The following RFT1 variants were observed in gnomAD, a reference collection of about 807,000 sequenced individuals.
The protein encoded by RFT1 is RFT1 glycolipid translocator homolog, also known as man(5)GlcNAc(2)-PP-dolichol translocation protein RFT1.
A neutral mutation model predicts 62.2 loss-of-function variants in RFT1; 43 were observed. That is an observed-to-expected ratio of 0.69 (90% CI 0.54 to 0.89). The LOEUF (loss-of-function observed/expected upper bound fraction) is 0.89, where lower values mean the gene tolerates loss of function less well. Among genes scored for constraint, RFT1 ranks in the 40% least tolerant of loss-of-function variants. The pLI is 0.00. For synonymous variants in RFT1, 262 were observed against 264.6 expected (o/e 0.99, Z 0.10); for missense variants, 605 against 649.9 (o/e 0.93, Z 0.75).
intron 6 of RFT1, among the ~76,000 whole-genome samples, chr3:53,119,075 A>G (rs1489903047): frequency 6.6e-6 from 1 of 152,106 alleles, no homozygotes; most frequent in Non-Finnish European, 1.5e-5. Flanking sequence ...TTAGCTGGGC[A>G]TGGTGGCATG....
At chr3:53,112,801 A>G (rs1270193479) in intron 6 of RFT1, among the ~76,000 whole-genome samples, 1 of 152,156 alleles carries the variant, frequency 6.6e-6, no homozygotes, top group Non-Finnish European at 1.5e-5. Context: ...TCCTAAGGAC[A>G]AGGAAACACT....
chr3:53,108,446 G>GTC (rs1292449205), intron 7 of RFT1, among the ~76,000 whole-genome samples: 1 of 146,318 alleles, frequency 6.8e-6, no homozygotes, highest in Non-Finnish European at 1.5e-5. Flanking sequence ...CTGGAGTGCA[G>GTC]TGGCACGATC....
At chr3:53,070,764 C>T in the RFT1 span, among the ~76,000 whole-genome samples, 2 of 151,684 alleles carry the variant, frequency 1.3e-5, no homozygotes, top group Admixed American at 6.6e-5. Context: ...TGGCCAGGTG[C>T]GGTGGCTCAC....
intron 1 of RFT1, among the ~76,000 whole-genome samples, chr3:53,129,410 G>A (rs933553969): frequency 6.6e-6 from 1 of 152,154 alleles, no homozygotes; most frequent in Non-Finnish European, 1.5e-5. Flanking sequence ...TATCCCGAAG[G>A]CAGGCATCTA....
intron 2 of RFT1, among the ~76,000 whole-genome samples, chr3:53,125,658 C>G (rs1702088162): frequency 6.6e-6 from 1 of 152,222 alleles, no homozygotes; most frequent in Admixed American, 6.5e-5. Context: ...AGCAGGAAAA[C>G]CAGAACAGCT....
intron 7 of RFT1, among the ~76,000 whole-genome samples, chr3:53,108,979 T>A (rs1701571997): frequency 6.6e-6 from 1 of 152,198 alleles, no homozygotes; most frequent in South Asian, 2.1e-4. Flanking sequence ...AAAATGACTC[T>A]TTAATGTTTG....
At chr3:53,102,123 T>G (rs527535695) in intron 10 of RFT1, among the ~76,000 whole-genome samples, 1 of 151,506 alleles carries the variant, frequency 6.6e-6, no homozygotes, top group East Asian at 1.9e-4. Flanking sequence ...AGGGGGATGA[T>G]GACGTGAAGA....
In RFT1 at chr3:53,123,750, G is replaced by C. The variant is rs2107168045; in HGVS notation, c.240C>G (p.Ser80Arg). The C allele has an allele frequency of 6.2e-7, 1 of 1,614,114 alleles. No individual in the cohort carries two copies. Among genetic ancestry groups the C allele is most frequent in the Admixed American group, 1.7e-5 (1 of 60,030 alleles). The change falls in exon 3 of 13, where the codon AGC becomes AGG. Residue 80 changes from serine (S) to arginine (R), a missense_variant. Ser to Arg is a moderately radical substitution (Grantham distance 110, BLOSUM62 -1). Coordinates refer to ENST00000296292, the MANE Select transcript of RFT1 (RefSeq NM_052859.4). ...TTAGCCACAGCAGGTTGAGGGTCTG[G>C]CTCCAGTCTCGCTGGGTGCCCCCAC... Reference protein sequence around the residue: ...CLSGGTQRDWSQTLNLLWLTV... With the variant: ...CLSGGTQRDWRQTLNLLWLTV...
At chr3:53,079,948 G>T in the RFT1 span, among the ~76,000 whole-genome samples, 1 of 152,200 alleles carries the variant, frequency 6.6e-6, no homozygotes, top group African/African-American at 2.4e-5. Context: ...GGGGGTGCAG[G>T]GGTGTCCTCG....
rs559963683 is a variant in RFT1, at chr3:53,126,174, T to A, written c.64-180A>T. 3.9e-5 allele frequency among the ~76,000 whole-genome samples: 6 copies of A among 152,328 alleles called. No individual in the cohort carries two copies. The South Asian group carries it at 1.2e-3, about 32-fold the overall frequency. Reference sequence around the variant, plus strand: ...GCATTTCTCCTGAAATTTCATTCCATGGGATCTCTCAGCACTCCCGTGCAG... The same window carrying A: ...GCATTTCTCCTGAAATTTCATTCCAAGGGATCTCTCAGCACTCCCGTGCAG... On this transcript the variant is annotated intron_variant, in intron 1 of 12. Transcript: ENST00000296292.
At chr3:53,086,509 T>C (rs1700857927), downstream of RFT1, among the ~76,000 whole-genome samples, 1 of 152,026 alleles carries the variant, frequency 6.6e-6, no homozygotes, top group Non-Finnish European at 1.5e-5. Flanking sequence ...AGTGACGGGG[T>C]TTCACCATGT....
the RFT1 span, among the ~76,000 whole-genome samples, chr3:53,070,920 C>G: frequency 6.6e-6 from 1 of 151,604 alleles, no homozygotes; most frequent in Non-Finnish European, 1.5e-5. Context: ...TTAGTAGAGA[C>G]AGGGTTTCAC....
At chr3:53,087,145 G>T (rs185044612), downstream of RFT1, among the ~76,000 whole-genome samples, 1 of 152,354 alleles carries the variant, frequency 6.6e-6, no homozygotes, top group Admixed American at 6.5e-5. Context: ...GCTGAGGCAC[G>T]AGAATTGCTT....
the RFT1 span, among the ~76,000 whole-genome samples, chr3:53,076,653 A>G: frequency 6.6e-6 from 1 of 152,162 alleles, no homozygotes; most frequent in African/African-American, 2.4e-5. Context: ...TAGGAAATCA[A>G]TGTTCTAAAG....
chr3:53,128,981 G>C (rs1169158148), intron 1 of RFT1, among the ~76,000 whole-genome samples: 1 of 152,166 alleles, frequency 6.6e-6, no homozygotes, highest in Non-Finnish European at 1.5e-5. Flanking sequence ...CTGACTCGTA[G>C]TCCAGTGTGT....
chr3:53,120,177 A>T (rs1312630322), intron 5 of RFT1, among the ~76,000 whole-genome samples, 156 bp from the exon 6 acceptor site: 1 of 152,204 alleles, frequency 6.6e-6, no homozygotes, highest in African/African-American at 2.4e-5. Context: ...AGTCACTTAG[A>T]CCCAACTCCA....
chr3:53,119,008 C>G (rs1701890905), intron 6 of RFT1, among the ~76,000 whole-genome samples: 1 of 151,922 alleles, frequency 6.6e-6, no homozygotes, highest in African/African-American at 2.4e-5. Context: ...CTCAGGAGTT[C>G]AACACTAGCC....
At chr3:53,110,433 C>G (rs1264372135) in intron 7 of RFT1, among the ~76,000 whole-genome samples, 1 of 152,220 alleles carries the variant, frequency 6.6e-6, no homozygotes, top group Non-Finnish European at 1.5e-5. Flanking sequence ...GCCCTTCACT[C>G]AGCTCTTCTG....
At position 53,089,815 on chromosome 3, in the gene RFT1, G is replaced by C. The variant is rs1700941201; in HGVS notation, c.*2088C>G. ...TGACAGCAGCACTGGGCGAACAGCA[G>C]GGGAGGGATGAGAGAGTGAGCACTG... On this transcript the variant is annotated 3_prime_UTR_variant, in exon 13 of 13. Transcript: ENST00000296292. The C allele has an allele frequency of 6.6e-6, 1 of 152,428 alleles. No homozygotes were observed. The highest frequency in any genetic ancestry group is 6.5e-5 in the Admixed American group (1 of 15,290). 9.4% of individuals were successfully genotyped at this position (152,428 alleles called of 1,614,324 possible).
Sources: allele counts gnomAD v4.1 joint callset (sites outside exome capture counted in the v4.1 genomes callset), GRCh38; gene constraint gnomAD v4.1.1; transcripts MANE v1.5; gene names NCBI Gene and HGNC (gene_info 2026-07-23, HGNC 2026-07-21).